Variants in SAMD4A observed in about 807,000 individuals in gnomAD.
The protein encoded by SAMD4A is protein Smaug homolog 1.
A neutral mutation model predicts 81.3 loss-of-function variants in SAMD4A; 33 were observed. The observed-to-expected ratio is 0.41, with a 90% CI of 0.31 to 0.54. The LOEUF is 0.54. SAMD4A is among the 20% of genes least tolerant of loss of function. The pLI is 0.37. For synonymous variants in SAMD4A, 389 were observed against 382.1 expected, an observed-to-expected ratio of 1.02 and a Z score of -0.21; for missense variants, 854 against 951.1, an observed-to-expected ratio of 0.90 and a Z score of 1.34.
At position 54,791,236 on chromosome 14, in the gene SAMD4A, T is replaced by A. The variant is rs2039254120; in HGVS notation, c.*2292T>A. ...AGACCAGAGGGTTTGCGAATGTGGGTTTGTAGGATACTGAGAAAGTGAATA... is the reference window on the plus strand; with the variant it reads ...AGACCAGAGGGTTTGCGAATGTGGGATTGTAGGATACTGAGAAAGTGAATA... On this transcript the variant is annotated 3_prime_UTR_variant, in exon 13 of 13. Transcript: ENST00000554335. 6.6e-6 allele frequency: 1 copy of A among 152,134 alleles called. No homozygotes were observed. The highest frequency in any genetic ancestry group is 2.1e-4 in the South Asian group (1 of 4,818). The allele number at this position is 152,134 out of a possible 1,614,324, so 9.4% of individuals were successfully genotyped here.
At chr14:54,678,482 T>G (rs2036044526) in intron 2 of SAMD4A, among the ~76,000 whole-genome samples, 1 of 66,684 alleles carries the variant, frequency 1.5e-5, no homozygotes, top group African/African-American at 4.8e-5. Context: ...TGTGTGTGTG[T>G]GTGTGTGTGT....
At chr14:54,579,819 C>T (rs1840279589) in intron 2 of SAMD4A, among the ~76,000 whole-genome samples, 1 of 152,198 alleles carries the variant, frequency 6.6e-6, no homozygotes, top group Non-Finnish European at 1.5e-5. Context: ...GAATGTGTTA[C>T]ATAATTGCTC....
intron 7 of SAMD4A, 23 bp downstream of exon 7, chr14:54,760,517 C>A: frequency 2.9e-6 from 4 of 1,382,320 alleles, no homozygotes; most frequent in African/African-American, 3.1e-5. Flanking sequence ...TCGCCCATTT[C>A]TTTTTTCTTC....
intron 1 of SAMD4A, 40 bp downstream of exon 1, chr14:54,567,378 C>G (rs527921944): frequency 6.6e-6 from 1 of 152,570 alleles, no homozygotes; most frequent in Admixed American, 6.5e-5. Context: ...TTTCGGCGAA[C>G]CCAACCTTCC....
chr14:54,761,418 G>A (rs1594909716), intron 7 of SAMD4A, among the ~76,000 whole-genome samples: 1 of 152,176 alleles, frequency 6.6e-6, no homozygotes, highest in African/African-American at 2.4e-5. Context: ...AACCTAAAGA[G>A]TCACGTGTCA....
rs1172084217 is a variant in SAMD4A at position 54,637,365 on chromosome 14, C to CAAAAAAAA, written c.197-64682_197-64675dup. The stretch of plus-strand genomic sequence containing the variant: ...GGGCAACAAGAGCGAAACTCCATCT[C>CAAAAAAAA]AAAAAAAAAAAAAAAAAAAAAAGAG... On this transcript the variant is annotated intron_variant, in intron 2 of 12. Coordinates refer to ENST00000554335, the MANE Select transcript of SAMD4A (RefSeq NM_015589.6). Among the ~76,000 whole-genome samples the CAAAAAAAA allele has an allele frequency of 1.1e-4, 7 of 63,790 alleles. 1 individual carries two copies. Among genetic ancestry groups the CAAAAAAAA allele is most frequent in the Admixed American group, 4.1e-4 (2 of 4,840 alleles). The allele number at this position is 63,790 out of a possible 152,430, so 41.8% of individuals were successfully genotyped here. A position where few individuals can be genotyped will look rare whatever the true frequency, so the allele number is the denominator to read the frequency against.
intron 2 of SAMD4A, among the ~76,000 whole-genome samples, chr14:54,671,368 A>G (rs1223431025): frequency 1.3e-5 from 2 of 152,142 alleles, no homozygotes; most frequent in Non-Finnish European, 2.9e-5. Flanking sequence ...CATCTTTGAA[A>G]TCTGGATAAT....
chr14:54,580,810 GTGT>G (rs1485747958), intron 2 of SAMD4A, among the ~76,000 whole-genome samples: 1 of 152,216 alleles, frequency 6.6e-6, no homozygotes, highest in African/African-American at 2.4e-5. Flanking sequence ...GCCTAATAGT[GTGT>G]CTAGCACATA....
intron 2 of SAMD4A, among the ~76,000 whole-genome samples, chr14:54,617,002 T>C (rs2034506133): frequency 6.6e-6 from 1 of 152,232 alleles, no homozygotes; most frequent in African/African-American, 2.4e-5. Flanking sequence ...TAAAATTTAT[T>C]CTTGTTTTAC....
In SAMD4A at chr14:54,619,825, C is replaced by CT. The variant is rs1297697501; in HGVS notation, c.196+51719dup. Among the ~76,000 whole-genome samples, 3 of 152,110 alleles carry CT rather than the reference C, an allele frequency of 2.0e-5. No homozygotes were observed. The East Asian group carries it at 5.8e-4, about 29-fold the overall frequency. On this transcript the variant is annotated intron_variant, in intron 2 of 12. Coordinates refer to ENST00000554335, the MANE Select transcript of SAMD4A (RefSeq NM_015589.6). ...TTCCTGCGAAGGACATGATCTTGTT[C>CT]TTTTTTATGGCTGCATAGTATTTCA...
At chr14:54,687,476 A>G (rs754536435) in intron 2 of SAMD4A, 2 of 410,612 alleles carry the variant, frequency 4.9e-6, no homozygotes, top group East Asian at 7.1e-5. Flanking sequence ...CCAAAAAACA[A>G]TATCTAGAAT....
intron 2 of SAMD4A, among the ~76,000 whole-genome samples, chr14:54,592,122 G>C (rs1025471582): frequency 6.6e-6 from 1 of 151,988 alleles, no homozygotes; most frequent in Non-Finnish European, 1.5e-5. Context: ...CGAGGTCATC[G>C]TTTATTCTTC....
At chr14:54,606,242 C>G (rs1187064473) in intron 2 of SAMD4A, among the ~76,000 whole-genome samples, 1 of 151,186 alleles carries the variant, frequency 6.6e-6, no homozygotes, top group Non-Finnish European at 1.5e-5. Context: ...CGTGTGCGCT[C>G]ATTTCTGCAA....
chr14:54,776,550 G>T lies in SAMD4A; in HGVS notation c.2044+10G>T, dbSNP rs548044528. 3 of 1,552,462 alleles carry T rather than the reference G, an allele frequency of 1.9e-6. No homozygotes were observed. In the African/African-American group the frequency reaches 4.2e-5, roughly 22 times the overall value. ...ATGTTCCAGCAGCCAGGTAGGGCCC[G>T]GCGCTTCATGTCCCCTTGACACAGA... On this transcript the variant is annotated intron_variant, in intron 11 of 12. Transcript: ENST00000554335.
chr14:54,774,658 A>AAAAAAAAC (rs60736832), intron 9 of SAMD4A, among the ~76,000 whole-genome samples: 3 of 151,242 alleles, frequency 2.0e-5, no homozygotes, highest in African/African-American at 7.3e-5. Flanking sequence ...CTACCAAAAA[A>AAAAAAAAC]AAAAAGTTAG....
At chr14:54,651,837 A>T (rs1329982805) in intron 2 of SAMD4A, among the ~76,000 whole-genome samples, 1 of 152,202 alleles carries the variant, frequency 6.6e-6, no homozygotes, top group African/African-American at 2.4e-5. Context: ...GTTTCATCAT[A>T]GACTCCTTGG....
At chr14:54,772,834 A>C (rs2038741539) in intron 9 of SAMD4A, among the ~76,000 whole-genome samples, 1 of 152,082 alleles carries the variant, frequency 6.6e-6, no homozygotes, top group Non-Finnish European at 1.5e-5. Flanking sequence ...AACAAAAAAA[A>C]AAAACACTCG....
intron 2 of SAMD4A, among the ~76,000 whole-genome samples, chr14:54,642,490 T>A (rs545511204): frequency 5.3e-5 from 8 of 152,336 alleles, no homozygotes; most frequent in African/African-American, 1.9e-4. Context: ...CATCCTTCCC[T>A]GTAACTTCTT....
intron 5 of SAMD4A, among the ~76,000 whole-genome samples, chr14:54,751,153 G>A (rs1280244756): frequency 6.6e-6 from 1 of 152,174 alleles, no homozygotes; most frequent in Non-Finnish European, 1.5e-5. Context: ...CTACTTGGGA[G>A]ACTGAGGTGA....
Sources: gnomAD v4.1 joint callset for allele counts (sites outside exome capture counted in the v4.1 genomes callset) on GRCh38, gnomAD v4.1.1 for gene constraint, MANE v1.5 for transcripts, NCBI Gene and HGNC (gene_info 2026-07-23, HGNC 2026-07-21) for gene names.